The following RDH13 variants were observed in gnomAD, a reference collection of about 807,000 sequenced individuals.
RDH13 encodes retinol dehydrogenase 13.
RDH13 carries 35 observed loss-of-function variants against 28.3 expected under a neutral mutation model. The observed-to-expected ratio is 1.24, with a 90% confidence interval of 0.95 to 1.64. The LOEUF (loss-of-function observed/expected upper bound fraction) is 1.64. Among genes scored for constraint, RDH13 ranks in the 40% most tolerant of loss-of-function variants. RDH13 has a pLI of 0.00. For missense variants in RDH13, 514 were observed against 446.3 expected, an observed-to-expected ratio of 1.15 and a Z score of -1.37; for synonymous variants, 229 against 198.5, an observed-to-expected ratio of 1.15 and a Z score of -1.29.
upstream of RDH13, among the ~76,000 whole-genome samples, chr19:55,066,353 C>A (rs140198890): frequency 6.6e-6 from 1 of 152,288 alleles, no homozygotes; most frequent in Non-Finnish European, 1.5e-5. Context: ...ACCCAATTCT[C>A]ATTCACATTC....
intron 1 of RDH13, among the ~76,000 whole-genome samples, chr19:55,061,915 C>G (rs2075818919): frequency 6.6e-6 from 1 of 152,032 alleles, no homozygotes; most frequent in Non-Finnish European, 1.5e-5. Context: ...GTCGGGAGCT[C>G]AAGACCAGCC....
chr19:55,054,709 T>G (rs554169297), intron 3 of RDH13, among the ~76,000 whole-genome samples: 1 of 151,308 alleles, frequency 6.6e-6, no homozygotes, highest in Non-Finnish European at 1.5e-5. Context: ...GCTGGGACTG[T>G]AGGCACATGC....
chr19:55,068,103 C>T (rs538337555), upstream of RDH13, among the ~76,000 whole-genome samples: 1 of 147,994 alleles, frequency 6.8e-6, no homozygotes, highest in African/African-American at 2.5e-5. Context: ...TCTCCTCTCA[C>T]TCTTCCTGTT....
chr19:55,049,468 C>G (rs1490839558), intron 3 of RDH13, among the ~76,000 whole-genome samples: 2 of 152,202 alleles, frequency 1.3e-5, no homozygotes, highest in East Asian at 3.8e-4. Flanking sequence ...GGTTCCGTAA[C>G]AAAGTGCCAC....
In RDH13 at chr19:55,045,391, G is replaced by C; in HGVS notation, c.761-82C>G. On this transcript the variant is annotated intron_variant, in intron 6 of 6. Transcript: ENST00000415061. ...CCCCGCTCCCCGGTCAGGGAGCTCC[G>C]GGTCCCTGGAGTCCCACAGAGCCCT... 11 of 1,125,952 alleles carry C rather than the reference G, an allele frequency of 9.8e-6. No individual in the cohort carries two copies. In the Middle Eastern group the frequency reaches 1.0e-3, roughly 103 times the overall value. 69.7% of individuals were successfully genotyped at this position (1,125,952 alleles called of 1,614,324 possible). A position where few individuals can be genotyped will look rare whatever the true frequency, so the allele number is the denominator to read the frequency against.
Position 55,057,813 on chromosome 19 carries a change from ATTTTT to A in RDH13, c.185-1010_185-1006del, listed in dbSNP as rs35480304. ...CCCCCTTTTCTTTTTGTTTATTATT[ATTTTT>A]TTTTTTTTGAGTCAGTCTCACTCTG... On this transcript the variant is annotated intron_variant, in intron 2 of 6. Transcript: ENST00000415061. 4.2e-3 allele frequency among the ~76,000 whole-genome samples: 594 copies of A among 142,092 alleles called. 7 individuals are homozygous for A. The highest frequency in any genetic ancestry group is 0.015 in the African/African-American group (561 of 38,530). 93.2% of individuals were successfully genotyped at this position (142,092 alleles called of 152,430 possible). A position where few individuals can be genotyped will look rare whatever the true frequency, so the allele number is the denominator to read the frequency against.
At chr19:55,048,576 T>A in intron 4 of RDH13, 35 bp from the exon 5 acceptor site, 1 of 1,611,802 alleles carries the variant, frequency 6.2e-7, no homozygotes, top group Non-Finnish European at 8.5e-7. Context: ...CACTTTTGAC[T>A]CACACCTAAA....
intron 6 of RDH13, among the ~76,000 whole-genome samples, chr19:55,045,853 G>T (rs1012811211): frequency 2.6e-5 from 4 of 151,354 alleles, no homozygotes; most frequent in Non-Finnish European, 5.9e-5. Flanking sequence ...GGCTGGGGCA[G>T]GAGAATCCCT....
intron 1 of RDH13, among the ~76,000 whole-genome samples, chr19:55,061,411 G>A (rs1185726378): frequency 6.6e-6 from 1 of 151,880 alleles, no homozygotes; most frequent in African/African-American, 2.4e-5. Flanking sequence ...TTACAGGCGT[G>A]AGCCACCACA....
At chr19:55,056,206 G>A (rs1431154910) in intron 3 of RDH13, among the ~76,000 whole-genome samples, 1 of 152,108 alleles carries the variant, frequency 6.6e-6, no homozygotes, top group Admixed American at 6.6e-5. Flanking sequence ...GCCCACGCCT[G>A]TAATCCCAGC....
Position 55,045,000 on chromosome 19 carries a change from G to A in RDH13, c.*74C>T, listed in dbSNP as rs1002076821. On this transcript the variant is annotated 3_prime_UTR_variant, in exon 7 of 7. Coordinates refer to ENST00000415061, the MANE Select transcript of RDH13 (RefSeq NM_001145971.2). ...GGGTCTCCCGGCTCAGGTAGTGCCA[G>A]GAAGCTGCGGGCATGGCGGACAGCT... The A allele has an allele frequency of 3.4e-6, 4 of 1,160,162 alleles. No homozygotes were observed. In the Admixed American group the frequency reaches 9.1e-5, roughly 26 times the overall value. The allele number at this position is 1,160,162 out of a possible 1,614,324, so 71.9% of individuals were successfully genotyped here.
chr19:55,063,275 T>G (rs1468220481), upstream of RDH13: 3 of 392,022 alleles, frequency 7.7e-6, no homozygotes, highest in Admixed American at 4.5e-5. Flanking sequence ...GGATTGGTGG[T>G]TTCAGGAGCC....
intron 5 of RDH13, 173 bp downstream of exon 5, chr19:55,048,156 G>A (rs180689705): frequency 3.4e-4 from 529 of 1,534,564 alleles, no homozygotes; most frequent in Non-Finnish European, 4.3e-4. Flanking sequence ...AAGAACGATC[G>A]ATTAGTGATG....
rs1038362324 is a variant in RDH13 at position 55,044,716 on chromosome 19, C to T, written c.*358G>A. On this transcript the variant is annotated 3_prime_UTR_variant, in exon 7 of 7. Coordinates refer to ENST00000415061, the MANE Select transcript of RDH13 (RefSeq NM_001145971.2). ...AAGTGTCAGACAACTTGCCCATGCTCTTCACGGAGCACCTTGGAACCCTCC... is the reference window on the plus strand; with the variant it reads ...AAGTGTCAGACAACTTGCCCATGCTTTTCACGGAGCACCTTGGAACCCTCC... 1 of 285,574 alleles carries T rather than the reference C, an allele frequency of 3.5e-6. No homozygotes were observed. Among genetic ancestry groups the T allele is most frequent in the Admixed American group, 5.2e-5 (1 of 19,292 alleles). 17.7% of individuals were successfully genotyped at this position (285,574 alleles called of 1,614,324 possible). A position where few individuals can be genotyped will look rare whatever the true frequency, so the allele number is the denominator to read the frequency against.
chr19:55,065,435 G>A (rs556781488), upstream of RDH13, among the ~76,000 whole-genome samples: 16 of 151,474 alleles, frequency 1.1e-4, no homozygotes, highest in Non-Finnish European at 1.9e-4. Flanking sequence ...AATTGGTTCA[G>A]ATGTTCATTT....
rs561931208 is a variant in RDH13, at chr19:55,052,903, C to T, written c.340+3750G>A. The stretch of plus-strand genomic sequence containing the variant: ...GGTCTCGATCTCCTGACCTTGTGAT[C>T]CGCCCGCCTCAGCCTCCCAAAGTGC... On this transcript the variant is annotated intron_variant, in intron 3 of 6. Transcript: ENST00000415061. Among the ~76,000 whole-genome samples the T allele has an allele frequency of 4.9e-4, 75 of 152,096 alleles. 1 individual carries two copies. The highest frequency in any genetic ancestry group is 2.6e-3 in the Admixed American group (40 of 15,266).
intron 3 of RDH13, among the ~76,000 whole-genome samples, chr19:55,049,837 C>T (rs572685352): frequency 5.3e-5 from 8 of 151,330 alleles, no homozygotes; most frequent in African/African-American, 1.9e-4. Flanking sequence ...AGTCCCAGAT[C>T]AAGGTGTGGG....
At chr19:55,065,803 T>C (rs1187609891), upstream of RDH13, among the ~76,000 whole-genome samples, 2 of 152,164 alleles carry the variant, frequency 1.3e-5, no homozygotes, top group South Asian at 2.1e-4. Context: ...CTGCAACCTC[T>C]GCCTCCTGGG....
At chr19:55,054,635 T>C (rs73059044) in intron 3 of RDH13, among the ~76,000 whole-genome samples, 24,274 of 152,012 alleles carry the variant, frequency 0.16, 2,353 homozygotes, top group African/African-American at 0.27. Flanking sequence ...GTGGCACAAA[T>C]ACGGCTCACT....
Sources: allele counts gnomAD v4.1 joint callset (sites outside exome capture counted in the v4.1 genomes callset), GRCh38; gene constraint gnomAD v4.1.1; transcripts MANE v1.5; gene names NCBI Gene and HGNC (gene_info 2026-07-23, HGNC 2026-07-21).